LHFPL3: variants seen among roughly 807,000 people sequenced by gnomAD.
The protein encoded by LHFPL3 is LHFPL tetraspan subfamily member 3, also known as LHFPL tetraspan subfamily member 3 protein.
In LHFPL3, 5 loss-of-function variants were observed where a neutral mutation model predicts 19.3. That is an observed-to-expected ratio of 0.26 (90% confidence interval 0.14 to 0.54). The LOEUF (loss-of-function observed/expected upper bound fraction) is 0.54, where lower values mean the gene tolerates loss of function less well. Ranked by LOEUF, LHFPL3 falls within the 20% of genes least tolerant of loss-of-function variation. The pLI, the probability that LHFPL3 is intolerant of heterozygous loss-of-function variation, is 0.94. For synonymous variants in LHFPL3, 133 were observed against 126.2 expected (o/e 1.05, Z -0.36); for missense variants, 249 against 307.4 (o/e 0.81, Z 1.42).
chr7:104,494,471 CCT>C (rs1270754993), intron 1 of LHFPL3, among the ~76,000 whole-genome samples: 1 of 151,988 alleles, frequency 6.6e-6, no homozygotes, highest in Non-Finnish European at 1.5e-5. Context: ...TGAGATCTCT[CCT>C]CTCATTTTCA....
intron 1 of LHFPL3, among the ~76,000 whole-genome samples, chr7:104,681,060 G>T (rs1237008415): frequency 6.6e-6 from 1 of 151,826 alleles, no homozygotes; most frequent in African/African-American, 2.4e-5. Context: ...CTTTTTCCTT[G>T]TGTGTTACTA....
intron 2 of LHFPL3, among the ~76,000 whole-genome samples, chr7:104,767,112 A>G (rs1235844934): frequency 6.6e-6 from 1 of 152,244 alleles, no homozygotes; most frequent in Non-Finnish European, 1.5e-5. Flanking sequence ...TAAATGCGAT[A>G]AGGTAGGACT....
chr7:104,616,574 A>T (rs6979527), intron 1 of LHFPL3, among the ~76,000 whole-genome samples: 1 of 152,214 alleles, frequency 6.6e-6, no homozygotes, highest in East Asian at 1.9e-4. Context: ...GGACATAGGC[A>T]TGGGAAAGAC....
chr7:104,569,822 C>A lies in LHFPL3; in HGVS notation c.446-166853C>A, dbSNP rs79535606. On this transcript the variant is annotated intron_variant, in intron 1 of 2. Transcript: ENST00000424859. ...GAGTAACTTGCCCCAGGTCACGTAA[C>A]CTGTAAACAATGGAAATAAGATTCA... is the stretch of plus-strand genomic sequence containing the variant. Among the ~76,000 whole-genome samples the A allele has an allele frequency of 2.5e-3, 384 of 152,228 alleles. 3 individuals are homozygous for A. In the East Asian group the frequency reaches 0.043, roughly 17 times the overall value.
intron 1 of LHFPL3, among the ~76,000 whole-genome samples, chr7:104,499,809 A>G (rs1230364604): frequency 2.0e-5 from 3 of 152,240 alleles, no homozygotes; most frequent in Admixed American, 6.5e-5. Flanking sequence ...CCAAAACTAT[A>G]TAGAACTTGG....
chr7:104,454,991 T>A (rs534914878), intron 1 of LHFPL3, among the ~76,000 whole-genome samples: 1 of 152,310 alleles, frequency 6.6e-6, no homozygotes, highest in South Asian at 2.1e-4. Context: ...TTCCATCTTG[T>A]CTTATTAGCT....
intron 1 of LHFPL3, among the ~76,000 whole-genome samples, chr7:104,560,615 T>C (rs1328920859): frequency 6.7e-6 from 1 of 149,304 alleles, no homozygotes; most frequent in Non-Finnish European, 1.5e-5. Flanking sequence ...ATTTTGTTGA[T>C]CCTTTCAGAA....
chr7:104,673,795 A>G (rs1161369241), intron 1 of LHFPL3, among the ~76,000 whole-genome samples: 2 of 152,238 alleles, frequency 1.3e-5, no homozygotes, highest in Admixed American at 1.3e-4. Flanking sequence ...TTAGAACAAT[A>G]AAGACAGATA....
intron 2 of LHFPL3, chr7:104,786,505 A>G (rs1789918450): frequency 6.6e-6 from 1 of 152,168 alleles, no homozygotes; most frequent in African/African-American, 2.4e-5. Context: ...AACTTTCTCA[A>G]TCTGCTACTT....
At chr7:104,348,383 CA>C in intron 1 of LHFPL3, among the ~76,000 whole-genome samples, 1 of 151,836 alleles carries the variant, frequency 6.6e-6, no homozygotes, top group Non-Finnish European at 1.5e-5. Context: ...GACTCCGTCT[CA>C]AAAAAAGAAC....
intron 1 of LHFPL3, chr7:104,667,856 A>G (rs1266629364): frequency 5.0e-6 from 8 of 1,611,912 alleles, no homozygotes; most frequent in Non-Finnish European, 6.8e-6. Context: ...ATGTTTCCAA[A>G]CCAGTCAGCT....
intron 1 of LHFPL3, among the ~76,000 whole-genome samples, chr7:104,348,208 A>T (rs1790109081): frequency 2.0e-5 from 3 of 152,166 alleles, no homozygotes; most frequent in Admixed American, 6.5e-5. Context: ...AACGTGGTGA[A>T]ACCTCATCTC....
At chr7:104,574,113 T>G (rs76633308) in intron 1 of LHFPL3, among the ~76,000 whole-genome samples, 1 of 152,182 alleles carries the variant, frequency 6.6e-6, no homozygotes, top group Non-Finnish European at 1.5e-5. Context: ...CTGACAAAAT[T>G]AACAAATTAT....
intron 1 of LHFPL3, among the ~76,000 whole-genome samples, chr7:104,585,074 T>A (rs1002811364): frequency 1.2e-4 from 19 of 152,282 alleles, no homozygotes; most frequent in African/African-American, 4.6e-4. Context: ...ATTGGCACTT[T>A]TTCCCCCTCT....
chr7:104,681,309 T>A (rs1276923571), intron 1 of LHFPL3, among the ~76,000 whole-genome samples: 1 of 152,030 alleles, frequency 6.6e-6, no homozygotes, highest in African/African-American at 2.4e-5. Flanking sequence ...TTGGCACTAG[T>A]CATGTGTTCA....
intron 1 of LHFPL3, among the ~76,000 whole-genome samples, chr7:104,690,782 C>G (rs1288492091): frequency 6.6e-6 from 1 of 152,214 alleles, no homozygotes; most frequent in Non-Finnish European, 1.5e-5. Context: ...GTGTGTTACT[C>G]CAGCCCATTT....
chr7:104,373,779 C>T (rs2116436691), intron 1 of LHFPL3, among the ~76,000 whole-genome samples: 1 of 152,216 alleles, frequency 6.6e-6, no homozygotes, highest in African/African-American at 2.4e-5. Flanking sequence ...TTAAAAGAAG[C>T]TAGACTTTTA....
intron 2 of LHFPL3, among the ~76,000 whole-genome samples, chr7:104,747,643 C>T (rs1314638793): frequency 1.3e-5 from 2 of 152,056 alleles, no homozygotes; most frequent in Non-Finnish European, 2.9e-5. Flanking sequence ...GACTATTCCC[C>T]CATTACTCAG....
At chr7:104,769,874 T>C (rs79860938) in intron 2 of LHFPL3, among the ~76,000 whole-genome samples, 15,055 of 152,160 alleles carry the variant, frequency 0.099, 896 homozygotes, top group Middle Eastern at 0.19. Flanking sequence ...TGAGTTTACG[T>C]CATTTGCGGG....
Sources: allele counts gnomAD v4.1 joint callset (sites outside exome capture counted in the v4.1 genomes callset), GRCh38; gene constraint gnomAD v4.1.1; transcripts MANE v1.5; gene names NCBI Gene and HGNC (gene_info 2026-07-23, HGNC 2026-07-21).